The following WDTC1 variants were observed in gnomAD, a reference collection of about 807,000 sequenced individuals.
WDTC1 encodes WD and tetratricopeptide repeats protein 1.
A neutral mutation model predicts 76.0 loss-of-function variants in WDTC1; 12 were observed. The ratio of observed to expected loss-of-function variants is 0.16; its 90% CI spans 0.10 to 0.26. WDTC1 has a LOEUF of 0.26. Ranked by LOEUF, WDTC1 falls within the 10% of genes least tolerant of loss-of-function variation. WDTC1 has a pLI of 1.00. For synonymous variants in WDTC1, 326 were observed against 350.8 expected (o/e 0.93, Z 0.79); for missense variants, 511 against 908.8 (o/e 0.56, Z 5.63).
In WDTC1 at chr1:27,260,401, G is replaced by A. The variant is rs968210593; in HGVS notation, c.-99-555G>A. On this transcript the variant is annotated intron_variant, in intron 1 of 15. Coordinates refer to ENST00000319394, the MANE Select transcript of WDTC1 (RefSeq NM_001276252.2). The stretch of plus-strand genomic sequence containing the variant: ...ATTACAGGTGTGAGCCACCGCGCCC[G>A]GCCCTACGAGGATGTTAAAGAAGGA... 7.2e-5 allele frequency among the ~76,000 whole-genome samples: 11 copies of A among 152,270 alleles called. No homozygotes were observed. In the East Asian group the frequency reaches 7.7e-4, roughly 11 times the overall value.
rs1438405201 is a variant in WDTC1, at chr1:27,297,031, T to C, written c.950-17T>C. ...TTCCTGAGTTGTTGCTGTCACTTTC[T>C]CACTATCTCCTGCCAGAAGTCCAGA... On this transcript the variant is annotated splice_polypyrimidine_tract_variant and intron_variant, in intron 10 of 15. Coordinates refer to ENST00000319394, the MANE Select transcript of WDTC1 (RefSeq NM_001276252.2). The C allele has an allele frequency of 6.2e-7, 1 of 1,613,140 alleles. No homozygotes were observed. Among genetic ancestry groups the C allele is most frequent in the Admixed American group, 1.7e-5 (1 of 59,980 alleles).
At chr1:27,289,177 T>C (rs2013446369) in intron 6 of WDTC1, among the ~76,000 whole-genome samples, 1 of 143,968 alleles carries the variant, frequency 6.9e-6, no homozygotes, top group Non-Finnish European at 1.5e-5. Context: ...GCCCCTCACC[T>C]CCCGGACGGG....
intron 3 of WDTC1, among the ~76,000 whole-genome samples, chr1:27,275,864 A>G (rs1438117792): frequency 1.3e-5 from 2 of 152,160 alleles, no homozygotes; most frequent in Admixed American, 6.6e-5. Flanking sequence ...CATCACCCCA[A>G]AAAGGAACCT....
In WDTC1 at chr1:27,305,004, C is replaced by T. The variant is rs56780255; in HGVS notation, c.1647C>T (p.Asn549=). Reference sequence around the variant, plus strand: ...CTGCCCTTTGCCCCCCCGCCAGCAACGCTCAGTATATCGTCAGTGGCTCTG... The same window carrying T: ...CTGCCCTTTGCCCCCCCGCCAGCAATGCTCAGTATATCGTCAGTGGCTCTG... ...DIKEANFFGS[N]AQYIVSGSDD... Residue 549 remains asparagine (N), a synonymous_variant, in exon 15 of 16, where the codon AAC becomes AAT. Coordinates refer to ENST00000319394, the MANE Select transcript of WDTC1 (RefSeq NM_001276252.2). This position sits in a 1 kb window ranked among gnomAD's most constrained non-coding sequence, Gnocchi z 4.6. 6.0e-4 allele frequency: 964 copies of T among 1,611,874 alleles called. 6 individuals are homozygous for T. In the African/African-American group the frequency reaches 9.2e-3, roughly 15 times the overall value.
intron 10 of WDTC1, 79 bp from the exon 11 acceptor site, chr1:27,296,969 T>TG: frequency 7.8e-7 from 1 of 1,275,674 alleles, no homozygotes; most frequent in East Asian, 2.3e-5. Context: ...GACCCCGTGA[T>TG]GGAAGCTAGA....
In WDTC1 at chr1:27,306,138, C is replaced by T. The variant is rs768629719; in HGVS notation, c.1837-48C>T. On this transcript the variant is annotated intron_variant, in intron 15 of 15. Coordinates refer to ENST00000319394, the MANE Select transcript of WDTC1 (RefSeq NM_001276252.2). The surrounding 1 kb of genome is among the most constrained non-coding windows in gnomAD (Gnocchi z 5.0). The stretch of plus-strand genomic sequence containing the variant: ...CCTCCCCTATACGTGTACCCTGGTG[C>T]CTCTCCCTCCCTGAGCCCCACGTGT... The T allele has an allele frequency of 3.1e-6, 5 of 1,606,408 alleles. No individual in the cohort carries two copies. In the Admixed American group the frequency reaches 8.3e-5, roughly 27 times the overall value.
At chr1:27,280,949 T>A (rs1349916451) in intron 3 of WDTC1, among the ~76,000 whole-genome samples, 1 of 152,180 alleles carries the variant, frequency 6.6e-6, no homozygotes, top group Non-Finnish European at 1.5e-5. Flanking sequence ...CTCTCCTTTT[T>A]CTTTTTCTTA....
chr1:27,306,242 C>T lies in WDTC1; in HGVS notation c.1893C>T (p.Asn631=). ...VEDMEGASQA[N]QRRMNADPLE... ...ATATGGAGGGTGCTTCACAGGCCAA[C>T]CAGCGGCGCATGAATGCAGACCCGT... Residue 631 remains asparagine (N), a synonymous_variant, in exon 16 of 16, where the codon AAC becomes AAT. Transcript: ENST00000319394. The surrounding 1 kb of genome is among the most constrained non-coding windows in gnomAD (Gnocchi z 5.0). The T allele has an allele frequency of 6.2e-7, 1 of 1,614,136 alleles. No homozygotes were observed. Among genetic ancestry groups the T allele is most frequent in the East Asian group, 2.2e-5 (1 of 44,874 alleles).
Position 27,293,161 on chromosome 1 carries a change from G to C in WDTC1, c.662+764G>C, listed in dbSNP as rs148432575. 7.5e-3 allele frequency among the ~76,000 whole-genome samples: 1,144 copies of C among 151,866 alleles called. 8 individuals are homozygous for C. The highest frequency in any genetic ancestry group is 0.012 in the Non-Finnish European group (795 of 67,940). The stretch of plus-strand genomic sequence containing the variant: ...GAAAAGTATAAATTAGGCCGGGCGT[G>C]GTGGCTCACGCCTGTAATCCCAGCA... On this transcript the variant is annotated intron_variant, in intron 7 of 15. Coordinates refer to ENST00000319394, the MANE Select transcript of WDTC1 (RefSeq NM_001276252.2).
rs1160365265 is a variant in WDTC1, at chr1:27,261,062, A to G, written c.8A>G (p.Lys3Arg). 1.2e-6 allele frequency: 2 copies of G among 1,614,168 alleles called. No homozygotes were observed. Among genetic ancestry groups the G allele is most frequent in the Admixed American group, 3.3e-5 (2 of 60,006 alleles). ...TTGAACCATTAAGAAAAGATGGCGA[A>G]AGTCAACATAACTAGAGACCTCATC... is the stretch of plus-strand genomic sequence containing the variant. MA[K>R]VNITRDLIRR... The change falls in exon 2 of 16, where the codon AAA (lysine) becomes AGA (arginine). Residue 3 changes from lysine to arginine, a missense_variant. Physicochemically the swap from Lys to Arg is conservative, Grantham distance 26. Transcript: ENST00000319394.
intron 3 of WDTC1, among the ~76,000 whole-genome samples, chr1:27,279,462 C>T (rs750129699): frequency 3.9e-5 from 6 of 152,100 alleles, no homozygotes; most frequent in African/African-American, 7.2e-5. Flanking sequence ...CGCTGGAGCC[C>T]GACCAGAAAT....
At chr1:27,263,053 C>T (rs1392331767) in intron 2 of WDTC1, 99 bp from the exon 3 acceptor site, 1 of 1,258,280 alleles carries the variant, frequency 7.9e-7, no homozygotes. Context: ...TCTTCTTTAG[C>T]TCCTGTGGTG....
At chr1:27,300,308 C>A (rs1372987231) in intron 12 of WDTC1, among the ~76,000 whole-genome samples, 8 of 151,902 alleles carry the variant, frequency 5.3e-5, no homozygotes, top group Admixed American at 2.0e-4. Flanking sequence ...ACAGTTGGGT[C>A]CTAGGCCTAC....
intron 1 of WDTC1, among the ~76,000 whole-genome samples, chr1:27,236,610 T>G (rs2011495250): frequency 6.6e-6 from 1 of 152,176 alleles, no homozygotes; most frequent in Admixed American, 6.6e-5. Flanking sequence ...TTTACCAGTT[T>G]CATACAATTG....
chr1:27,238,744 T>C (rs1362916562), intron 1 of WDTC1, among the ~76,000 whole-genome samples: 1 of 151,198 alleles, frequency 6.6e-6, no homozygotes, highest in African/African-American at 2.4e-5. Flanking sequence ...TTTTGTATTT[T>C]TGTAGAGATG....
In WDTC1 at chr1:27,306,683, A is replaced by G. The variant is rs1379422413; in HGVS notation, c.*300A>G. On this transcript the variant is annotated 3_prime_UTR_variant, in exon 16 of 16. Coordinates refer to ENST00000319394, the MANE Select transcript of WDTC1 (RefSeq NM_001276252.2). The surrounding 1 kb of genome is among the most constrained non-coding windows in gnomAD (Gnocchi z 5.0). ...CCTGGAGGGCTCTGGCCTGCCTCAAAACCCCTTCTGCCTCAGGTGGGGAGG... is the reference window on the plus strand; with the variant it reads ...CCTGGAGGGCTCTGGCCTGCCTCAAGACCCCTTCTGCCTCAGGTGGGGAGG... 3.3e-5 allele frequency: 14 copies of G among 424,444 alleles called. No individual in the cohort carries two copies. Among genetic ancestry groups the G allele is most frequent in the Non-Finnish European group, 6.1e-5 (14 of 230,940 alleles). The allele number at this position is 424,444 out of a possible 1,614,324, so 26.3% of individuals were successfully genotyped here. A position where few individuals can be genotyped will look rare whatever the true frequency, so the allele number is the denominator to read the frequency against.
chr1:27,272,102 C>T (rs1242458572), intron 3 of WDTC1, among the ~76,000 whole-genome samples: 2 of 151,368 alleles, frequency 1.3e-5, no homozygotes, highest in East Asian at 2.0e-4. Context: ...AAAAATTAGC[C>T]GTGCGAGGTG....
At chr1:27,297,245 G>A (rs2147986432) in intron 11 of WDTC1, 89 bp downstream of exon 11, 1 of 1,196,082 alleles carries the variant, frequency 8.4e-7, no homozygotes, top group East Asian at 2.6e-5. Flanking sequence ...TCTTCCTCCT[G>A]ACCCACACCC....
At chr1:27,255,485 C>T (rs1037894660) in intron 1 of WDTC1, 1 of 152,060 alleles carries the variant, frequency 6.6e-6, no homozygotes, top group Non-Finnish European at 1.5e-5. Context: ...GCAGTAGTGA[C>T]AAGAGGGGAA....
Sources: allele counts gnomAD v4.1 joint callset (sites outside exome capture counted in the v4.1 genomes callset), GRCh38; gene constraint gnomAD v4.1.1; non-coding constraint Gnocchi (gnomAD v3.1); transcripts MANE v1.5; gene names NCBI Gene and HGNC (gene_info 2026-07-23, HGNC 2026-07-21).